The following TRPC7 variants were observed in gnomAD, a reference collection of about 807,000 sequenced individuals.
TRPC7 encodes the protein short transient receptor potential channel 7.
In TRPC7, 42 loss-of-function variants were observed where a neutral mutation model predicts 90.1. That is an observed-to-expected ratio of 0.47 (90% CI 0.36 to 0.60). The LOEUF is 0.60. Ranked by LOEUF, TRPC7 falls within the 20% of genes least tolerant of loss-of-function variation. The pLI, the probability that TRPC7 is intolerant of heterozygous loss-of-function variation, is 0.00. For synonymous variants in TRPC7, 451 were observed against 436.3 expected (o/e 1.03, Z -0.42); for missense variants, 955 against 1,112.3 (o/e 0.86, Z 2.01).
At chr5:136,239,777 T>C (rs1756099304) in intron 7 of TRPC7, among the ~76,000 whole-genome samples, 1 of 152,262 alleles carries the variant, frequency 6.6e-6, no homozygotes, top group African/African-American at 2.4e-5. Flanking sequence ...TGTAGCTGCC[T>C]TTCTTTCACA....
intron 2 of TRPC7, among the ~76,000 whole-genome samples, chr5:136,327,825 G>A (rs1759387888): frequency 6.6e-6 from 1 of 152,218 alleles, no homozygotes; most frequent in African/African-American, 2.4e-5. Flanking sequence ...TCTTGCCCAA[G>A]TGTTTTCTTT....
At position 136,247,414 on chromosome 5, in the gene TRPC7, C is replaced by T; in HGVS notation, c.1844+57G>A. 3.9e-6 allele frequency: 6 copies of T among 1,547,778 alleles called. No homozygotes were observed. The highest frequency in any genetic ancestry group is 2.3e-5 in the East Asian group (1 of 44,302). On this transcript the variant is annotated intron_variant, in intron 7 of 11. Coordinates refer to ENST00000513104, the MANE Select transcript of TRPC7 (RefSeq NM_020389.3). The surrounding 1 kb of genome is among the most constrained non-coding windows in gnomAD (Gnocchi z 4.2). The stretch of plus-strand genomic sequence containing the variant: ...GCAAGAAGCCACCTTCAGGAGACTC[C>T]CAAGGATTCCCAGGAAGCCCAGGGA...
intron 8 of TRPC7, 80 bp from the exon 9 acceptor site, chr5:136,226,335 A>C: frequency 9.9e-7 from 1 of 1,014,794 alleles, no homozygotes; most frequent in Non-Finnish European, 1.5e-6. Context: ...GCAGAGACAC[A>C]GCCCCAACAT....
chr5:136,294,321 G>T (rs1758076204), intron 3 of TRPC7, among the ~76,000 whole-genome samples: 1 of 152,154 alleles, frequency 6.6e-6, no homozygotes, highest in Admixed American at 6.5e-5. Context: ...CTTCTGCACA[G>T]CAAAAGAAAC....
intron 5 of TRPC7, among the ~76,000 whole-genome samples, chr5:136,257,678 G>A (rs1175341232): frequency 6.6e-6 from 1 of 152,104 alleles, no homozygotes; most frequent in African/African-American, 2.4e-5. Context: ...ACAAAGCTAT[G>A]TCTCAAGTAT....
At chr5:136,227,646 T>C (rs917414861) in intron 8 of TRPC7, among the ~76,000 whole-genome samples, 5 of 152,204 alleles carry the variant, frequency 3.3e-5, no homozygotes, top group African/African-American at 9.6e-5. Context: ...CTGGTCTCGC[T>C]GTACAAGAGA....
intron 2 of TRPC7, among the ~76,000 whole-genome samples, chr5:136,335,457 C>G (rs111952253): frequency 2.0e-5 from 3 of 152,158 alleles, no homozygotes; most frequent in African/African-American, 7.2e-5. Context: ...TCTACAGTGT[C>G]TCTTATGTCT....
At chr5:136,236,079 A>C (rs1197279245) in intron 7 of TRPC7, among the ~76,000 whole-genome samples, 2 of 152,212 alleles carry the variant, frequency 1.3e-5, no homozygotes, top group African/African-American at 2.4e-5. Flanking sequence ...AAGTCCAATA[A>C]ATGGCAGCTA....
In TRPC7 at chr5:136,237,061, T is replaced by G. The variant is rs76366939; in HGVS notation, c.1845-5512A>C. ...AAGATGTTTAGAATGGATAAAGATC[T>G]TCTCAGAGGCTGTGCTTCTCTAATG... On this transcript the variant is annotated intron_variant, in intron 7 of 11. Transcript: ENST00000513104. Among the ~76,000 whole-genome samples, 8 of 152,300 alleles carry G rather than the reference T, an allele frequency of 5.3e-5. No homozygotes were observed. In the East Asian group the frequency reaches 1.5e-3, roughly 29 times the overall value.
intron 4 of TRPC7, among the ~76,000 whole-genome samples, chr5:136,273,655 G>C (rs1757273216): frequency 6.6e-6 from 1 of 152,150 alleles, no homozygotes; most frequent in Non-Finnish European, 1.5e-5. Flanking sequence ...TGGTTCACTG[G>C]TGACACTTTT....
chr5:136,360,584 A>G (rs1351526899), intron 1 of TRPC7, among the ~76,000 whole-genome samples: 1 of 152,210 alleles, frequency 6.6e-6, no homozygotes, highest in Non-Finnish European at 1.5e-5. Context: ...GTAGTAAGAA[A>G]TAAACAAGAC....
At chr5:136,230,875 A>G (rs1755793822) in intron 8 of TRPC7, among the ~76,000 whole-genome samples, 1 of 152,132 alleles carries the variant, frequency 6.6e-6, no homozygotes, top group Non-Finnish European at 1.5e-5. Flanking sequence ...GCCCCAGGGC[A>G]TTGGAATTTG....
intron 3 of TRPC7, among the ~76,000 whole-genome samples, chr5:136,275,871 A>T (rs1757349171): frequency 6.6e-6 from 1 of 152,250 alleles, no homozygotes; most frequent in South Asian, 2.1e-4. Context: ...TGGACTAAGT[A>T]GCAAAACAAG....
chr5:136,263,508 C>G (rs935551728), intron 5 of TRPC7, among the ~76,000 whole-genome samples: 1 of 152,032 alleles, frequency 6.6e-6, no homozygotes, highest in African/African-American at 2.4e-5. Context: ...CCAGGAATGA[C>G]AGAAATGATG....
At chr5:136,339,586 G>A (rs1759778866) in intron 2 of TRPC7, among the ~76,000 whole-genome samples, 1 of 151,870 alleles carries the variant, frequency 6.6e-6, no homozygotes. Context: ...ACTCCACTTG[G>A]ACCTGTGACT....
chr5:136,313,090 T>C (rs1470262124), intron 3 of TRPC7, among the ~76,000 whole-genome samples: 3 of 151,504 alleles, frequency 2.0e-5, no homozygotes, highest in African/African-American at 4.9e-5. Flanking sequence ...GTGTTGGCAT[T>C]ACAGGCATAA....
intron 2 of TRPC7, among the ~76,000 whole-genome samples, chr5:136,328,556 C>T (rs969443799): frequency 6.6e-6 from 1 of 152,212 alleles, no homozygotes; most frequent in South Asian, 2.1e-4. Context: ...CACAGCTCTG[C>T]TGCATCATGG....
intron 2 of TRPC7, among the ~76,000 whole-genome samples, chr5:136,340,303 G>A (rs1420271321): frequency 6.6e-6 from 1 of 152,060 alleles, no homozygotes; most frequent in Non-Finnish European, 1.5e-5. Context: ...TGGTGGGTGG[G>A]GTGGGTAAGG....
chr5:136,348,638 T>C (rs751893877), intron 2 of TRPC7, among the ~76,000 whole-genome samples: 2 of 152,224 alleles, frequency 1.3e-5, no homozygotes, highest in Non-Finnish European at 2.9e-5. Flanking sequence ...CAGAGCCTTG[T>C]CCAGACTAGA....
Sources: gnomAD v4.1 joint callset for allele counts (sites outside exome capture counted in the v4.1 genomes callset) on GRCh38, gnomAD v4.1.1 for gene constraint, Gnocchi (gnomAD v3.1) non-coding constraint, MANE v1.5 for transcripts, NCBI Gene and HGNC (gene_info 2026-07-23, HGNC 2026-07-21) for gene names.